WT1: variants seen among roughly 807,000 people sequenced by gnomAD.
WT1 encodes the protein WT1 transcription factor.
Under a neutral mutation model 60.8 loss-of-function variants are expected in WT1, and 8 were observed. That is an observed-to-expected ratio of 0.13 (90% CI 0.08 to 0.24). WT1 has a LOEUF of 0.24. Among genes scored for constraint, WT1 ranks in the 10% least tolerant of loss-of-function variants. The pLI, the probability that WT1 is intolerant of heterozygous loss-of-function variation, is 1.00. For synonymous variants in WT1, 312 were observed against 297.1 expected (o/e 1.05, Z -0.52); for missense variants, 568 against 711.8 (o/e 0.80, Z 2.30).
chr11:32,412,016 T>C (rs542595691), intron 5 of WT1, among the ~76,000 whole-genome samples: 46 of 152,326 alleles, frequency 3.0e-4, no homozygotes, highest in African/African-American at 1.1e-3. Flanking sequence ...ACCTTCACTT[T>C]GCATCTCAGG....
At chr11:32,400,512 T>C (rs1254340940) in intron 5 of WT1, 1 of 298,952 alleles carries the variant, frequency 3.3e-6, no homozygotes, top group Non-Finnish European at 6.6e-6. Context: ...AGATGTCATG[T>C]CCTCAGAAGT....
intron 5 of WT1, among the ~76,000 whole-genome samples, chr11:32,408,172 G>A (rs1023790469): frequency 4.1e-5 from 6 of 146,546 alleles, no homozygotes; most frequent in Admixed American, 3.5e-4. Context: ...GCAGTGAGCC[G>A]AGATCGCATC....
intron 5 of WT1, among the ~76,000 whole-genome samples, chr11:32,414,802 G>A (rs1369382040): frequency 2.6e-5 from 4 of 151,966 alleles, no homozygotes; most frequent in Middle Eastern, 3.4e-3. Flanking sequence ...GAACCCAGGA[G>A]GCAGAGGTTC....
chr11:32,405,636 A>G (rs1185076100), intron 5 of WT1, among the ~76,000 whole-genome samples: 2 of 145,356 alleles, frequency 1.4e-5, no homozygotes, highest in Non-Finnish European at 3.0e-5. Flanking sequence ...ACAAATGACA[A>G]CTTCCTCCCT....
chr11:32,403,428 T>C (rs1182611026), intron 5 of WT1, among the ~76,000 whole-genome samples: 2 of 152,188 alleles, frequency 1.3e-5, no homozygotes, highest in Non-Finnish European at 2.9e-5. Context: ...AGCAGAAATC[T>C]CTTCCAGCTT....
At position 32,389,023 on chromosome 11, in the gene WT1, G is replaced by C; in HGVS notation, c.*35C>G. 3 of 1,614,024 alleles carry C rather than the reference G, an allele frequency of 1.9e-6. No individual in the cohort carries two copies. The highest frequency in any genetic ancestry group is 1.3e-5 in the African/African-American group (1 of 75,064). ...TTGAAAGCAGTTCACACACTGTGCT[G>C]CCTGGGACACTGAACGGTCCCCGAG... is the stretch of plus-strand genomic sequence containing the variant. On this transcript the variant is annotated 3_prime_UTR_variant, in exon 10 of 10. Coordinates refer to ENST00000452863, the MANE Select transcript of WT1 (RefSeq NM_024426.6).
intron 5 of WT1, among the ~76,000 whole-genome samples, chr11:32,411,973 G>T (rs5030225): frequency 0.045 from 6,864 of 152,274 alleles, 210 homozygotes; most frequent in Non-Finnish European, 0.073. Context: ...AGTAGGCTCG[G>T]CAATGCTGAT....
At chr11:32,414,727 A>C (rs984484114) in intron 5 of WT1, among the ~76,000 whole-genome samples, 1 of 152,094 alleles carries the variant, frequency 6.6e-6, no homozygotes, top group East Asian at 1.9e-4. Flanking sequence ...ACAAAAATTA[A>C]CCAGGTATGG....
At position 32,428,607 on chromosome 11, in the gene WT1, A is replaced by G. The variant is rs576902446; in HGVS notation, c.674T>C (p.Val225Ala). The change falls in exon 2 of 10, where the codon GTC becomes GCC. Residue 225 changes from valine to alanine, a missense_variant. Around this residue, in one of 3 missense-constraint regions of WT1, gnomAD observed 523 missense variants for 565.1 expected, o/e 0.93. Coordinates refer to ENST00000452863, the MANE Select transcript of WT1 (RefSeq NM_024426.6). Reference sequence around the variant, plus strand: ...GTAGCTGGGCGTCCCGTCGAAGGTGACCGTGCTGTAACCTGCGGGAGCGGC... The same window carrying G: ...GTAGCTGGGCGTCCCGTCGAAGGTGGCCGTGCTGTAACCTGCGGGAGCGGC... The G allele has an allele frequency of 4.3e-6, 7 of 1,613,446 alleles. No homozygotes were observed. The South Asian group carries it at 6.6e-5, about 15-fold the overall frequency.
intron 5 of WT1, among the ~76,000 whole-genome samples, chr11:32,405,097 C>A (rs963191910): frequency 7.2e-5 from 11 of 152,140 alleles, no homozygotes; most frequent in African/African-American, 2.7e-4. Context: ...GCCATGAACT[C>A]AAATATTCCT....
At position 32,422,153 on chromosome 11, in the gene WT1, G is replaced by A. The variant is rs72909468; in HGVS notation, c.888-4499C>T. ...GCTCCTCCCTTTGAGGTGCTTTGCAGCCTGCCTGCCTAGAAATTTCTGCCC... is the reference window on the plus strand; with the variant it reads ...GCTCCTCCCTTTGAGGTGCTTTGCAACCTGCCTGCCTAGAAATTTCTGCCC... On this transcript the variant is annotated intron_variant, in intron 3 of 9. Coordinates refer to ENST00000452863, the MANE Select transcript of WT1 (RefSeq NM_024426.6). Among the ~76,000 whole-genome samples, 1,120 of 152,316 alleles carry A rather than the reference G, an allele frequency of 7.4e-3. 7 individuals are homozygous for A. Among genetic ancestry groups the A allele is most frequent in the Non-Finnish European group, 0.012 (846 of 68,022 alleles).
chr11:32,432,829 C>T (rs999385726), intron 1 of WT1, among the ~76,000 whole-genome samples: 2 of 152,172 alleles, frequency 1.3e-5, no homozygotes, highest in Non-Finnish European at 2.9e-5. Flanking sequence ...GCGACAGAAC[C>T]CAGGTTTCAA....
intron 6 of WT1, 56 bp from the exon 7 acceptor site, chr11:32,396,463 T>C (rs1851979156): frequency 6.2e-7 from 1 of 1,605,848 alleles, no homozygotes; most frequent in Non-Finnish European, 8.5e-7. Context: ...AACATTCACG[T>C]AGGTCTTGAG....
chr11:32,419,481 A>G (rs1474555497), intron 3 of WT1, among the ~76,000 whole-genome samples: 3 of 152,208 alleles, frequency 2.0e-5, no homozygotes, highest in Non-Finnish European at 4.4e-5. Flanking sequence ...CTTTGGGGAT[A>G]TGGGATCTTT....
rs1851728709 is a variant in WT1, at chr11:32,388,635, T to G, written c.*423A>C. Reference sequence around the variant, plus strand: ...AGTAAATGGAAACCATGACAAAGTTTACATTAGCAGACACATACACATGCC... The same window carrying G: ...AGTAAATGGAAACCATGACAAAGTTGACATTAGCAGACACATACACATGCC... On this transcript the variant is annotated 3_prime_UTR_variant, in exon 10 of 10. Coordinates refer to ENST00000452863, the MANE Select transcript of WT1 (RefSeq NM_024426.6). 3.8e-6 allele frequency: 1 copy of G among 261,624 alleles called. No individual in the cohort carries two copies. The highest frequency in any genetic ancestry group is 7.5e-6 in the Non-Finnish European group (1 of 134,226). 16.2% of individuals were successfully genotyped at this position (261,624 alleles called of 1,614,324 possible). A position where few individuals can be genotyped will look rare whatever the true frequency, so the allele number is the denominator to read the frequency against.
chr11:32,389,115 T>A lies in WT1; in HGVS notation c.1512A>T (p.Leu504Phe). Reference sequence around the variant, plus strand: ...TCTGATGCATGTTGTGATGGCGGACTAATTCATCTGACCGGGCAAACTTTT... The same window carrying A: ...TCTGATGCATGTTGTGATGGCGGACAAATTCATCTGACCGGGCAAACTTTT... Residue 504 changes from leucine (L) to phenylalanine (F), a missense_variant, in exon 10 of 10, where the codon TTA (leucine) becomes TTT (phenylalanine). By Grantham distance (22) the Leu-to-Phe change is conservative (BLOSUM62 0). This residue lies in a region of WT1 where 29 missense variants were observed against 46.8 expected (regional missense o/e 0.62). Coordinates refer to ENST00000452863, the MANE Select transcript of WT1 (RefSeq NM_024426.6). The A allele has an allele frequency of 6.2e-7, 1 of 1,614,264 alleles. No homozygotes were observed. Among genetic ancestry groups the A allele is most frequent in the Non-Finnish European group, 8.5e-7 (1 of 1,180,038 alleles).
intron 5 of WT1, among the ~76,000 whole-genome samples, chr11:32,413,377 T>C (rs753720810): frequency 1.3e-5 from 2 of 152,208 alleles, no homozygotes; most frequent in Non-Finnish European, 2.9e-5. Context: ...CTCAAATGTA[T>C]TCTCCATATT....
rs1193913917 is a variant in WT1 at position 32,389,004 on chromosome 11, G to A, written c.*54C>T. 1 of 1,613,240 alleles carries A rather than the reference G, an allele frequency of 6.2e-7. No homozygotes were observed. On this transcript the variant is annotated 3_prime_UTR_variant, in exon 10 of 10. Transcript: ENST00000452863. Reference sequence around the variant, plus strand: ...GAGGAGTGGAGAGTCAGACTTGAAAGCAGTTCACACACTGTGCTGCCTGGG... The same window carrying A: ...GAGGAGTGGAGAGTCAGACTTGAAAACAGTTCACACACTGTGCTGCCTGGG...
In WT1 at chr11:32,417,651, G is replaced by A; in HGVS notation, c.891C>T (p.Asp297=). The A allele has an allele frequency of 6.2e-7, 1 of 1,613,490 alleles. No homozygotes were observed. The highest frequency in any genetic ancestry group is 8.5e-7 in the Non-Finnish European group (1 of 1,179,658). Reference sequence around the variant, plus strand: ...GCTGGGATGTCATTTGGTATAAATTGTCACTGTTAGAAAAACATCTAGAGT... The same window carrying A: ...GCTGGGATGTCATTTGGTATAAATTATCACTGTTAGAAAAACATCTAGAGT... Residue 297 remains aspartate, a synonymous_variant, in exon 4 of 10, where the codon GAC becomes GAT. Transcript: ENST00000452863.
Sources: gnomAD v4.1 joint callset for allele counts (sites outside exome capture counted in the v4.1 genomes callset) on GRCh38, gnomAD v4.1.1 for gene constraint, gnomAD v4.1.1 regional missense constraint, MANE v1.5 for transcripts, NCBI Gene and HGNC (gene_info 2026-07-23, HGNC 2026-07-21) for gene names.